Variants in BRAF observed in about 807,000 individuals in gnomAD.
The protein encoded by BRAF is B-Raf proto-oncogene, serine/threonine kinase.
In BRAF, 16 loss-of-function variants were observed where a neutral mutation model predicts 104.6. The observed-to-expected ratio is 0.15, with a 90% CI of 0.10 to 0.23. The LOEUF (loss-of-function observed/expected upper bound fraction) is 0.23. BRAF is among the 10% of genes least tolerant of loss of function. The pLI is 1.00. For missense variants in BRAF, 541 were observed against 937.3 expected (o/e 0.58, Z 5.52); for synonymous variants, 310 against 341.6 (o/e 0.91, Z 1.02).
intron 10 of BRAF, among the ~76,000 whole-genome samples, chr7:140,785,429 A>G (rs1208933801): frequency 6.6e-6 from 1 of 152,230 alleles, no homozygotes; most frequent in Non-Finnish European, 1.5e-5. Context: ...AAGTAATAAA[A>G]TAACGAAAAA....
intron 1 of BRAF, among the ~76,000 whole-genome samples, chr7:140,886,968 G>A (rs1322940623): frequency 6.6e-6 from 1 of 152,136 alleles, no homozygotes; most frequent in African/African-American, 2.4e-5. Context: ...GGTACTGGAG[G>A]CAGGGAATCC....
At chr7:140,798,781 C>T (rs1802775837) in intron 7 of BRAF, among the ~76,000 whole-genome samples, 2 of 151,882 alleles carry the variant, frequency 1.3e-5, no homozygotes, top group Non-Finnish European at 2.9e-5. Flanking sequence ...AACTGATACC[C>T]ACTTAACTCA....
intron 8 of BRAF, among the ~76,000 whole-genome samples, chr7:140,792,069 G>A (rs1802021226): frequency 6.6e-6 from 1 of 152,170 alleles, no homozygotes; most frequent in Non-Finnish European, 1.5e-5. Flanking sequence ...GTACCTGTAT[G>A]TAATAAGTAT....
At chr7:140,849,798 C>T (rs1449299713) in intron 2 of BRAF, among the ~76,000 whole-genome samples, 3 of 150,804 alleles carry the variant, frequency 2.0e-5, no homozygotes, top group African/African-American at 4.9e-5. Flanking sequence ...GGCGACAGAG[C>T]GAGACTCCGT....
At chr7:140,870,251 T>C (rs1811427475) in intron 1 of BRAF, among the ~76,000 whole-genome samples, 1 of 152,198 alleles carries the variant, frequency 6.6e-6, no homozygotes, top group South Asian at 2.1e-4. Flanking sequence ...TATCCTGACA[T>C]CTGTTGAAAG....
chr7:140,737,744 C>T (rs1796559486), intron 18 of BRAF, among the ~76,000 whole-genome samples: 1 of 152,116 alleles, frequency 6.6e-6, no homozygotes, highest in Non-Finnish European at 1.5e-5. Context: ...ACATATAGAT[C>T]TTCAGCCATC....
rs982392835 is a variant in BRAF at position 140,723,675 on chromosome 7, C to T, written c.*2819G>A. 235 of 1,050,714 alleles carry T rather than the reference C, an allele frequency of 2.2e-4. No homozygotes were observed. The highest frequency in any genetic ancestry group is 2.6e-4 in the Non-Finnish European group (225 of 870,242). The allele number at this position is 1,050,714 out of a possible 1,614,324, so 65.1% of individuals were successfully genotyped here. A position where few individuals can be genotyped will look rare whatever the true frequency, so the allele number is the denominator to read the frequency against. On this transcript the variant is annotated 3_prime_UTR_variant, in exon 20 of 20. Coordinates refer to ENST00000644969, the MANE Select transcript of BRAF (RefSeq NM_001374258.1). ...AGTTACAAACAATCCTCTGTAGTTG[C>T]TCTCAAATTTTTCAGAAGGCTTCAC...
chr7:140,842,909 G>C (rs77293714), intron 2 of BRAF, among the ~76,000 whole-genome samples: 12 of 152,244 alleles, frequency 7.9e-5, no homozygotes, highest in Non-Finnish European at 1.2e-4. Context: ...AAAATCAAGA[G>C]GATTTCTGAT....
intron 19 of BRAF, among the ~76,000 whole-genome samples, chr7:140,730,049 A>C (rs1795848776): frequency 6.6e-6 from 1 of 152,178 alleles, no homozygotes. Flanking sequence ...TCAATAAAAT[A>C]AGACTCTTAA....
intron 19 of BRAF, among the ~76,000 whole-genome samples, chr7:140,728,863 T>TA (rs991251377): frequency 2.6e-5 from 4 of 151,800 alleles, no homozygotes; most frequent in African/African-American, 9.7e-5. Context: ...ATCTATTAAA[T>TA]AAAAAAATCA....
intron 9 of BRAF, among the ~76,000 whole-genome samples, chr7:140,787,273 C>G (rs894142118): frequency 6.2e-5 from 9 of 145,312 alleles, no homozygotes; most frequent in Non-Finnish European, 1.0e-4. Context: ...TGCACTCCAA[C>G]CTGGGCGACA....
intron 19 of BRAF, chr7:140,726,544 T>A: frequency 6.6e-7 from 1 of 1,513,974 alleles, no homozygotes; most frequent in Non-Finnish European, 8.9e-7. Flanking sequence ...GAGCTAATTT[T>A]AAAAAAGTCA....
At chr7:140,826,932 C>T (rs1394162707) in intron 3 of BRAF, among the ~76,000 whole-genome samples, 2 of 152,198 alleles carry the variant, frequency 1.3e-5, no homozygotes, top group East Asian at 3.8e-4. Context: ...GTTATGTGCA[C>T]TTGGTCTTGT....
At chr7:140,786,896 T>C (rs971935770) in intron 9 of BRAF, among the ~76,000 whole-genome samples, 1 of 152,194 alleles carries the variant, frequency 6.6e-6, no homozygotes, top group South Asian at 2.1e-4. Flanking sequence ...AAATTAAGGA[T>C]CTTTCCTTGG....
intron 1 of BRAF, among the ~76,000 whole-genome samples, chr7:140,863,967 T>C (rs1810676146): frequency 6.6e-6 from 1 of 152,222 alleles, no homozygotes; most frequent in Admixed American, 6.5e-5. Context: ...TCCCATTTTA[T>C]AGACGAGCAC....
At chr7:140,917,100 A>C (rs941166521) in intron 1 of BRAF, among the ~76,000 whole-genome samples, 3 of 152,252 alleles carry the variant, frequency 2.0e-5, no homozygotes, top group African/African-American at 7.2e-5. Flanking sequence ...CCACTGCTTC[A>C]CAATTGCTGG....
downstream of BRAF, among the ~76,000 whole-genome samples, chr7:140,718,534 GCCA>G (rs1795187079): frequency 6.7e-6 from 1 of 150,104 alleles, no homozygotes; most frequent in Non-Finnish European, 1.5e-5. Context: ...ACAGGCGTGA[GCCA>G]CCACACCTGG....
chr7:140,718,311 G>A (rs1457215839), downstream of BRAF, among the ~76,000 whole-genome samples: 5 of 151,898 alleles, frequency 3.3e-5, no homozygotes, highest in Non-Finnish European at 7.4e-5. Context: ...CCAGGCTGGA[G>A]TGCAATGGCA....
At chr7:140,785,289 A>C (rs1051536810) in intron 10 of BRAF, among the ~76,000 whole-genome samples, 1 of 152,184 alleles carries the variant, frequency 6.6e-6, no homozygotes, top group East Asian at 1.9e-4. Context: ...TAAAAACCAC[A>C]AAATTAACAA....
Sources: gnomAD v4.1 joint callset for allele counts (sites outside exome capture counted in the v4.1 genomes callset) on GRCh38, gnomAD v4.1.1 for gene constraint, MANE v1.5 for transcripts, NCBI Gene and HGNC (gene_info 2026-07-23, HGNC 2026-07-21) for gene names.